CSMD1: variants seen among roughly 807,000 people sequenced by gnomAD.
CSMD1 encodes CUB and sushi domain-containing protein 1.
In CSMD1, 213 loss-of-function variants were observed where a neutral mutation model predicts 417.5. That is an observed-to-expected ratio of 0.51 (90% confidence interval 0.46 to 0.57). The LOEUF (loss-of-function observed/expected upper bound fraction) is 0.57, where lower values mean the gene tolerates loss of function less well. CSMD1 is among the 20% of genes least tolerant of loss of function. The probability of loss-of-function intolerance (pLI) is 0.00; values close to 1 mark genes in which losing one functional copy is unlikely to be tolerated. For synonymous variants in CSMD1, 2,862 were observed against 1,736.8 expected, an observed-to-expected ratio of 1.65 and a Z score of -16.11; for missense variants, 6,923 against 4,529.7, an observed-to-expected ratio of 1.53 and a Z score of -15.17.
intron 1 of CSMD1, among the ~76,000 whole-genome samples, chr8:4,762,882 T>G (rs964015132): frequency 1.3e-5 from 2 of 152,218 alleles, no homozygotes; most frequent in African/African-American, 4.8e-5. Flanking sequence ...ATTAGGCATC[T>G]CATTTATACA....
intron 23 of CSMD1, among the ~76,000 whole-genome samples, chr8:3,325,778 T>G (rs956998839): frequency 1.3e-5 from 2 of 152,098 alleles, no homozygotes; most frequent in Non-Finnish European, 2.9e-5. Flanking sequence ...GAGCCGAGAC[T>G]GTACCACTGC....
chr8:4,733,263 C>A (rs1047681201), intron 1 of CSMD1, among the ~76,000 whole-genome samples: 38 of 152,110 alleles, frequency 2.5e-4, no homozygotes, highest in African/African-American at 9.2e-4. Flanking sequence ...TGAGAAACAT[C>A]AACAATATGC....
chr8:3,404,638 A>C (rs1321646352), intron 15 of CSMD1, among the ~76,000 whole-genome samples: 1 of 152,192 alleles, frequency 6.6e-6, no homozygotes, highest in Non-Finnish European at 1.5e-5. Context: ...CATGTTGACT[A>C]AAGACAACTG....
chr8:4,771,629 G>T (rs17071265), intron 1 of CSMD1, among the ~76,000 whole-genome samples: 1 of 152,142 alleles, frequency 6.6e-6, no homozygotes, highest in Non-Finnish European at 1.5e-5. Flanking sequence ...GTGAATTCCT[G>T]ATTAACACCA....
At chr8:4,953,362 C>G (rs1808876342) in intron 1 of CSMD1, among the ~76,000 whole-genome samples, 1 of 152,040 alleles carries the variant, frequency 6.6e-6, no homozygotes, top group Non-Finnish European at 1.5e-5. Context: ...AATCCTGAAT[C>G]ACCATTTATG....
At chr8:4,089,750 A>C (rs115037173) in intron 3 of CSMD1, among the ~76,000 whole-genome samples, 1 of 152,132 alleles carries the variant, frequency 6.6e-6, no homozygotes, top group African/African-American at 2.4e-5. Context: ...AACATCATTC[A>C]TTAGTTTGGG....
intron 18 of CSMD1, among the ~76,000 whole-genome samples, chr8:3,376,341 A>G (rs1237530602): frequency 1.3e-5 from 2 of 152,082 alleles, no homozygotes; most frequent in Non-Finnish European, 2.9e-5. Context: ...ATTTGTCTGA[A>G]AACATATTTG....
chr8:3,412,087 TAC>T (rs1395576472), intron 12 of CSMD1, among the ~76,000 whole-genome samples: 3 of 97,352 alleles, frequency 3.1e-5, no homozygotes, highest in African/African-American at 1.4e-4. Flanking sequence ...TACATATATA[TAC>T]ACACGTATAT....
At chr8:4,559,858 C>A (rs1266278616) in intron 2 of CSMD1, among the ~76,000 whole-genome samples, 1 of 152,332 alleles carries the variant, frequency 6.6e-6, no homozygotes, top group East Asian at 1.9e-4. Flanking sequence ...CCACTTCATG[C>A]CCCTTCTCCA....
chr8:3,956,350 G>T (rs761971108), intron 5 of CSMD1, among the ~76,000 whole-genome samples: 1 of 152,170 alleles, frequency 6.6e-6, no homozygotes, highest in Non-Finnish European at 1.5e-5. Flanking sequence ...ATGTTAGTCA[G>T]TTGCCTTATA....
intron 4 of CSMD1, among the ~76,000 whole-genome samples, chr8:4,017,710 G>A (rs573681567): frequency 1.3e-5 from 2 of 152,144 alleles, no homozygotes; most frequent in South Asian, 4.1e-4. Flanking sequence ...TCACAGGATT[G>A]ACTTTGTGCC....
intron 1 of CSMD1, among the ~76,000 whole-genome samples, chr8:4,877,650 T>C (rs1228596035): frequency 6.6e-6 from 1 of 152,096 alleles, no homozygotes; most frequent in Admixed American, 6.5e-5. Context: ...CTGCCAAATA[T>C]AGCCAATAAA....
chr8:4,989,665 A>G (rs987123161), intron 1 of CSMD1, among the ~76,000 whole-genome samples: 9 of 152,218 alleles, frequency 5.9e-5, no homozygotes, highest in African/African-American at 1.7e-4. Context: ...GCAACTTGTA[A>G]TGGCTTATTT....
At chr8:3,692,361 G>C (rs1026212643) in intron 7 of CSMD1, among the ~76,000 whole-genome samples, 3 of 152,136 alleles carry the variant, frequency 2.0e-5, no homozygotes, top group Non-Finnish European at 4.4e-5. Flanking sequence ...ACTCAGGAAA[G>C]AGACTCGCTG....
At chr8:3,638,506 T>C (rs1363011717) in intron 7 of CSMD1, among the ~76,000 whole-genome samples, 1 of 152,068 alleles carries the variant, frequency 6.6e-6, no homozygotes, top group African/African-American at 2.4e-5. Flanking sequence ...GATGACAAGA[T>C]TCCTAAATAT....
intron 6 of CSMD1, among the ~76,000 whole-genome samples, chr8:3,745,852 T>C (rs924465010): frequency 2.6e-5 from 4 of 152,196 alleles, no homozygotes; most frequent in Non-Finnish European, 5.9e-5. Flanking sequence ...TAATCTGTGG[T>C]TTCCCCACAT....
chr8:3,928,318 T>G (rs1809894506), intron 5 of CSMD1, among the ~76,000 whole-genome samples: 2 of 152,226 alleles, frequency 1.3e-5, no homozygotes, highest in Admixed American at 6.5e-5. Flanking sequence ...GTATTTTTCT[T>G]TTAATTGCCA....
chr8:4,363,268 A>G (rs1423470313), intron 3 of CSMD1, among the ~76,000 whole-genome samples: 1 of 152,204 alleles, frequency 6.6e-6, no homozygotes, highest in African/African-American at 2.4e-5. Flanking sequence ...ATCACCCCTT[A>G]AAGGAGCCTT....
intron 50 of CSMD1, among the ~76,000 whole-genome samples, chr8:3,030,522 G>T (rs1205055397): frequency 6.6e-6 from 1 of 151,938 alleles, no homozygotes; most frequent in African/African-American, 2.4e-5. Flanking sequence ...AGGCTGCCAG[G>T]CTGGAGGGCA....
Sources: gnomAD v4.1 joint callset for allele counts (sites outside exome capture counted in the v4.1 genomes callset) on GRCh38, gnomAD v4.1.1 for gene constraint, MANE v1.5 for transcripts, NCBI Gene and HGNC (gene_info 2026-07-23, HGNC 2026-07-21) for gene names.